The following CCNT2 variants were observed in gnomAD, a reference collection of about 807,000 sequenced individuals.
The protein encoded by CCNT2 is cyclin-T2.
In CCNT2, 18 loss-of-function variants were observed where a neutral mutation model predicts 70.0. That is an observed-to-expected ratio of 0.26 (90% CI 0.18 to 0.38). CCNT2 has a LOEUF of 0.38. CCNT2 is among the 10% of genes least tolerant of loss of function. CCNT2 has a pLI of 1.00. For synonymous variants in CCNT2, 334 were observed against 313.3 expected (o/e 1.07, Z -0.70); for missense variants, 734 against 890.2 (o/e 0.82, Z 2.23).
Position 134,954,595 on chromosome 2 carries a change from G to T in CCNT2, c.2140G>T (p.Asp714Tyr). 6.2e-7 allele frequency: 1 copy of T among 1,614,006 alleles called. No individual in the cohort carries two copies. The highest frequency in any genetic ancestry group is 8.5e-7 in the Non-Finnish European group (1 of 1,179,874). The change falls in exon 9 of 9, where the codon GAC (aspartate) becomes TAC (tyrosine). Residue 714 changes from aspartate (D) to tyrosine (Y), a missense_variant. By Grantham distance (160) the Asp-to-Tyr change is radical. Transcript: ENST00000264157. Reference protein sequence around the residue: ...STSSQHMDYKDTFDMLDSLLS... With the variant: ...STSSQHMDYKYTFDMLDSLLS... ...AAGCAGCCAGCATATGGACTACAAAGACACATTCGACATGCTGGACTCACT... is the reference window on the plus strand; with the variant it reads ...AAGCAGCCAGCATATGGACTACAAATACACATTCGACATGCTGGACTCACT...
In CCNT2 at chr2:134,953,549, C is replaced by T. The variant is rs1404902283; in HGVS notation, c.1094C>T (p.Ser365Leu). The T allele has an allele frequency of 2.5e-6, 4 of 1,614,208 alleles. No homozygotes were observed. The highest frequency in any genetic ancestry group is 3.4e-6 in the Non-Finnish European group (4 of 1,180,030). The part of the protein sequence containing the change: ...QDSARTEQLY[S>L]QKQETSLSGS... ...TCAGCAAGGACAGAACAGCTATATT[C>T]ACAGAAACAGGAGACATCTTTGTCT... Residue 365 changes from serine (S) to leucine (L), a missense_variant, in exon 9 of 9, where the codon TCA (serine) becomes TTA (leucine). By Grantham distance (145) the Ser-to-Leu change is moderately radical. Transcript: ENST00000264157.
At chr2:134,928,293 T>C (rs1204998849) in intron 2 of CCNT2, among the ~76,000 whole-genome samples, 9 of 147,970 alleles carry the variant, frequency 6.1e-5, no homozygotes, top group Non-Finnish European at 1.2e-4. Flanking sequence ...TTTTTTTTTT[T>C]CTGAGACGGA....
chr2:134,947,651 C>A, intron 6 of CCNT2, 85 bp from the exon 7 acceptor site: 1 of 1,012,468 alleles, frequency 9.9e-7, no homozygotes. Flanking sequence ...TTAAATTTTG[C>A]TCTAATCTTA....
chr2:134,926,402 C>G (rs901579395), intron 2 of CCNT2, among the ~76,000 whole-genome samples: 2 of 152,148 alleles, frequency 1.3e-5, no homozygotes, highest in African/African-American at 4.8e-5. Flanking sequence ...TTTTTAGTTT[C>G]TCTTTTCCCT....
chr2:134,931,260 A>ATCTTTTTTTTTTTTTTTTT (rs1680736062), intron 2 of CCNT2, among the ~76,000 whole-genome samples: 1 of 42,944 alleles, frequency 2.3e-5, no homozygotes, highest in African/African-American at 9.7e-5. Flanking sequence ...CCATGCCCGG[A>ATCTTTTTTTTTTTTTTTTT]TCTTTTTTTT....
At chr2:134,925,039 A>G (rs185256122) in intron 2 of CCNT2, among the ~76,000 whole-genome samples, 5 of 152,322 alleles carry the variant, frequency 3.3e-5, no homozygotes, top group Admixed American at 3.3e-4. Flanking sequence ...GATTAGATCC[A>G]GAAACTTAAT....
intron 4 of CCNT2, among the ~76,000 whole-genome samples, chr2:134,941,429 A>G (rs1445174317): frequency 6.6e-6 from 1 of 152,236 alleles, no homozygotes; most frequent in Non-Finnish European, 1.5e-5. Flanking sequence ...TTAACTGTTT[A>G]TGTTACCAGT....
At position 134,953,611 on chromosome 2, in the gene CCNT2, T is replaced by C; in HGVS notation, c.1156T>C (p.Ser386Pro). Residue 386 changes from serine (S) to proline (P), a missense_variant, in exon 9 of 9, where the codon TCT becomes CCT. Ser to Pro is a moderately conservative substitution (Grantham distance 74). This residue lies in a region of CCNT2 where 532 missense variants were observed against 556.9 expected (regional missense o/e 0.96). Transcript: ENST00000264157. ...QYNINFQQGPSISLHSGLHHR... is the reference protein window; with the variant it reads ...QYNINFQQGPPISLHSGLHHR... ...CAACATCAACTTCCAGCAGGGACCT[T>C]CTATATCACTGCATTCAGGATTACA... is the stretch of plus-strand genomic sequence containing the variant. The C allele has an allele frequency of 6.2e-7, 1 of 1,613,950 alleles. No individual in the cohort carries two copies. The highest frequency in any genetic ancestry group is 8.5e-7 in the Non-Finnish European group (1 of 1,179,836).
chr2:134,923,212 T>G (rs955161571), intron 2 of CCNT2, among the ~76,000 whole-genome samples: 4 of 151,974 alleles, frequency 2.6e-5, no homozygotes, highest in African/African-American at 7.3e-5. Flanking sequence ...ACCTGAGAGG[T>G]GGAGGTTGCA....
intron 7 of CCNT2, among the ~76,000 whole-genome samples, chr2:134,949,174 C>G (rs1278286348): frequency 1.3e-5 from 2 of 152,130 alleles, no homozygotes; most frequent in African/African-American, 2.4e-5. Flanking sequence ...GCGCATGCCA[C>G]CACGCCCAGC....
rs140723737 is a variant in CCNT2 at position 134,922,535 on chromosome 2, C to G, written c.240+2644C>G. ...TTGAATAGCTGTCAGCAGTAAATGA[C>G]TTTTATATGTAGCCTAATTAGATAA... On this transcript the variant is annotated intron_variant, in intron 2 of 8. Coordinates refer to ENST00000264157, the MANE Select transcript of CCNT2 (RefSeq NM_058241.3). 1.6e-3 allele frequency among the ~76,000 whole-genome samples: 243 copies of G among 151,980 alleles called. 1 individual carries two copies. The highest frequency in any genetic ancestry group is 6.8e-3 in the Middle Eastern group (2 of 294).
chr2:134,940,399 T>C (rs1318363243), intron 4 of CCNT2, among the ~76,000 whole-genome samples: 1 of 152,158 alleles, frequency 6.6e-6, no homozygotes, highest in Non-Finnish European at 1.5e-5. Flanking sequence ...TATATAGATA[T>C]TAGTCTATTT....
chr2:134,941,880 C>CA (rs1363724971), intron 4 of CCNT2, among the ~76,000 whole-genome samples: 1 of 152,060 alleles, frequency 6.6e-6, no homozygotes, highest in Non-Finnish European at 1.5e-5. Flanking sequence ...TACAGTAGAA[C>CA]TATATATAGA....
intron 2 of CCNT2, among the ~76,000 whole-genome samples, chr2:134,935,340 A>T (rs533355996): frequency 4.2e-4 from 64 of 152,364 alleles, no homozygotes; most frequent in Admixed American, 7.2e-4. Context: ...AAAACTTCTT[A>T]AAGTCATTTT....
At chr2:134,924,246 G>A (rs968171226) in intron 2 of CCNT2, among the ~76,000 whole-genome samples, 1 of 152,142 alleles carries the variant, frequency 6.6e-6, no homozygotes, top group African/African-American at 2.4e-5. Context: ...TTATAGTGCT[G>A]TAGTGTAACT....
In CCNT2 at chr2:134,956,066, C is replaced by T. The variant is rs1682904113; in HGVS notation, c.*1418C>T. On this transcript the variant is annotated 3_prime_UTR_variant, in exon 9 of 9. Transcript: ENST00000264157. ...CAGTAATATGGCTCTTGTTTATCAG[C>T]TAATCTTGAATTTATTCTGTGGTAA... 6.6e-6 allele frequency: 1 copy of T among 152,600 alleles called. No individual in the cohort carries two copies. Among genetic ancestry groups the T allele is most frequent in the East Asian group, 1.9e-4 (1 of 5,198 alleles). The allele number at this position is 152,600 out of a possible 1,614,324, so 9.5% of individuals were successfully genotyped here.
rs551173090 is a variant in CCNT2 at position 134,928,274 on chromosome 2, C to CTTTTTTTTTTTTTTTTTTTT, written c.240+8402_240+8403insTTTTTTTTTTTTTTTTTTTT. 2.1e-3 allele frequency among the ~76,000 whole-genome samples: 205 copies of CTTTTTTTTTTTTTTTTTTTT among 96,372 alleles called. 11 individuals carry two copies. Among genetic ancestry groups the CTTTTTTTTTTTTTTTTTTTT allele is most frequent in the East Asian group, 7.9e-3 (25 of 3,160 alleles). The allele number at this position is 96,372 out of a possible 152,430, so 63.2% of individuals were successfully genotyped here. A position where few individuals can be genotyped will look rare whatever the true frequency, so the allele number is the denominator to read the frequency against. On this transcript the variant is annotated intron_variant, in intron 2 of 8. Coordinates refer to ENST00000264157, the MANE Select transcript of CCNT2 (RefSeq NM_058241.3). The stretch of plus-strand genomic sequence containing the variant: ...CCATGCCCGGCCTCACATTGTATTT[C>CTTTTTTTTTTTTTTTTTTTT]TTTTTTTTTTTTTTTTTTTCTGAGA...
intron 4 of CCNT2, among the ~76,000 whole-genome samples, chr2:134,942,279 T>C (rs1482923900): frequency 2.6e-5 from 4 of 152,012 alleles, no homozygotes; most frequent in South Asian, 2.1e-4. Flanking sequence ...AAGAAAGATA[T>C]TACGTAGTTG....
At chr2:134,937,902 G>A (rs1264645095) in intron 3 of CCNT2, among the ~76,000 whole-genome samples, 1 of 152,050 alleles carries the variant, frequency 6.6e-6, no homozygotes, top group Non-Finnish European at 1.5e-5. Context: ...CAACAAGAGT[G>A]AAACACCGTC....
Sources: gnomAD v4.1 joint callset for allele counts (sites outside exome capture counted in the v4.1 genomes callset) on GRCh38, gnomAD v4.1.1 for gene constraint, gnomAD v4.1.1 regional missense constraint, MANE v1.5 for transcripts, NCBI Gene and HGNC (gene_info 2026-07-23, HGNC 2026-07-21) for gene names.